The following ARL15 variants were observed in gnomAD, a reference collection of about 807,000 sequenced individuals.
ARL15 encodes the protein ARF like GTPase 15.
In ARL15, 19 loss-of-function variants were observed where a neutral mutation model predicts 25.2. The observed-to-expected ratio is 0.75, with a 90% confidence interval of 0.53 to 1.10. The LOEUF is 1.10. Among genes scored for constraint, ARL15 ranks in the 50% least tolerant of loss-of-function variants. The pLI is 0.00. For synonymous variants in ARL15, 94 were observed against 86.8 expected, an observed-to-expected ratio of 1.08 and a Z score of -0.46; for missense variants, 220 against 246.0, an observed-to-expected ratio of 0.89 and a Z score of 0.71.
chr5:54,194,413 T>C (rs539461626), intron 1 of ARL15, among the ~76,000 whole-genome samples: 3 of 152,200 alleles, frequency 2.0e-5, no homozygotes, highest in Admixed American at 2.0e-4. Context: ...ATAACCTCCA[T>C]ACGGCCTCAC....
At chr5:54,089,851 A>C (rs959529507) in intron 4 of ARL15, among the ~76,000 whole-genome samples, 44 of 152,344 alleles carry the variant, frequency 2.9e-4, no homozygotes, top group African/African-American at 1.0e-3. Context: ...TTTTCTGGCT[A>C]CAAAAACCAA....
chr5:54,300,191 A>C (rs1405116741), intron 1 of ARL15, among the ~76,000 whole-genome samples: 1 of 152,058 alleles, frequency 6.6e-6, no homozygotes, highest in East Asian at 1.9e-4. Flanking sequence ...TGCCTTGATG[A>C]AAAGAACACA....
intron 3 of ARL15, among the ~76,000 whole-genome samples, chr5:54,136,570 G>A (rs1322469568): frequency 6.7e-6 from 1 of 150,180 alleles, no homozygotes; most frequent in African/African-American, 2.5e-5. Flanking sequence ...CAGATTGTGA[G>A]GGAAAAAAAA....
intron 4 of ARL15, among the ~76,000 whole-genome samples, chr5:53,983,446 G>C (rs1748188973): frequency 6.6e-6 from 1 of 152,174 alleles, no homozygotes; most frequent in South Asian, 2.1e-4. Flanking sequence ...GGTCTCCAAA[G>C]CATGTGGGGG....
intron 4 of ARL15, among the ~76,000 whole-genome samples, chr5:54,052,585 T>C (rs1750733776): frequency 6.6e-6 from 1 of 152,332 alleles, no homozygotes; most frequent in Non-Finnish European, 1.5e-5. Context: ...CTCACTGTTT[T>C]ACTGAGAGAT....
intron 4 of ARL15, among the ~76,000 whole-genome samples, chr5:53,920,538 G>A (rs1745816360): frequency 6.6e-6 from 1 of 151,856 alleles, no homozygotes; most frequent in South Asian, 2.1e-4. Context: ...AGGTGCAGTG[G>A]TTCATGACTG....
chr5:54,057,085 C>T (rs1750900021), intron 4 of ARL15, among the ~76,000 whole-genome samples: 1 of 151,536 alleles, frequency 6.6e-6, no homozygotes, highest in Admixed American at 6.6e-5. Flanking sequence ...GGATAGAAAT[C>T]ACCTTAAAAG....
chr5:54,008,350 G>A (rs1379523680), intron 4 of ARL15, among the ~76,000 whole-genome samples: 1 of 152,148 alleles, frequency 6.6e-6, no homozygotes, highest in Admixed American at 6.5e-5. Flanking sequence ...TTAATGCATT[G>A]CGACTACTAA....
At chr5:53,906,855 C>T (rs919054532) in intron 4 of ARL15, among the ~76,000 whole-genome samples, 1 of 152,152 alleles carries the variant, frequency 6.6e-6, no homozygotes, top group Non-Finnish European at 1.5e-5. Flanking sequence ...TCATGAAACC[C>T]TTGCACACTC....
At chr5:54,026,671 T>C (rs1749795300) in intron 4 of ARL15, among the ~76,000 whole-genome samples, 1 of 152,180 alleles carries the variant, frequency 6.6e-6, no homozygotes, top group African/African-American at 2.4e-5. Flanking sequence ...TTACAGAAGC[T>C]AAGTGGGACT....
intron 4 of ARL15, among the ~76,000 whole-genome samples, chr5:54,043,961 G>A (rs1211901427): frequency 6.6e-6 from 1 of 151,944 alleles, no homozygotes; most frequent in East Asian, 1.9e-4. Context: ...AGGCTGCAGT[G>A]AGCCATGTTC....
chr5:54,157,513 G>A (rs1453288372), intron 2 of ARL15, among the ~76,000 whole-genome samples: 60 of 152,102 alleles, frequency 3.9e-4, no homozygotes, highest in Admixed American at 3.8e-3. Flanking sequence ...CCGGGTTCAC[G>A]CCATTCTCCT....
At chr5:54,026,929 C>T (rs1386784717) in intron 4 of ARL15, among the ~76,000 whole-genome samples, 1 of 152,050 alleles carries the variant, frequency 6.6e-6, no homozygotes, top group East Asian at 1.9e-4. Context: ...TGTGTGTGAC[C>T]ACTTGATGCA....
intron 4 of ARL15, among the ~76,000 whole-genome samples, chr5:53,955,035 A>T (rs776078680): frequency 6.6e-6 from 1 of 151,590 alleles, no homozygotes; most frequent in Non-Finnish European, 1.5e-5. Context: ...TTAACTTAAT[A>T]ACAATGTCTT....
At chr5:54,002,642 T>G (rs1285648784) in intron 4 of ARL15, among the ~76,000 whole-genome samples, 4 of 152,204 alleles carry the variant, frequency 2.6e-5, no homozygotes, top group Non-Finnish European at 5.9e-5. Context: ...TAAAAACTAC[T>G]CATCTGTTTT....
At chr5:53,988,695 A>G (rs1019107219) in intron 4 of ARL15, among the ~76,000 whole-genome samples, 1 of 152,240 alleles carries the variant, frequency 6.6e-6, no homozygotes, top group African/African-American at 2.4e-5. Flanking sequence ...GGTAGACTGT[A>G]GCAAGAACAT....
intron 4 of ARL15, among the ~76,000 whole-genome samples, chr5:54,007,928 AAG>A (rs1282463456): frequency 1.3e-5 from 2 of 152,168 alleles, no homozygotes; most frequent in Non-Finnish European, 2.9e-5. Flanking sequence ...AGTCTCAGGA[AAG>A]AGAGGGTTAA....
intron 1 of ARL15, among the ~76,000 whole-genome samples, chr5:54,207,155 A>G (rs1407068927): frequency 6.6e-6 from 1 of 152,244 alleles, no homozygotes; most frequent in East Asian, 1.9e-4. Flanking sequence ...CAAAAGGGAC[A>G]CAGAAGCCAC....
chr5:53,977,295 G>C (rs1218637763), intron 4 of ARL15, among the ~76,000 whole-genome samples: 2 of 150,326 alleles, frequency 1.3e-5, no homozygotes, highest in Non-Finnish European at 2.9e-5. Context: ...GGCGGAGCTT[G>C]CGTGAGCCGA....
Sources: allele counts gnomAD v4.1 joint callset (sites outside exome capture counted in the v4.1 genomes callset), GRCh38; gene constraint gnomAD v4.1.1; transcripts MANE v1.5; gene names NCBI Gene and HGNC (gene_info 2026-07-23, HGNC 2026-07-21).